The following AP3B1 variants were observed in gnomAD, a reference collection of about 807,000 sequenced individuals.
The protein encoded by AP3B1 is adaptor related protein complex 3 subunit beta 1.
Under a neutral mutation model 132.5 loss-of-function variants are expected in AP3B1, and 61 were observed. The ratio of observed to expected loss-of-function variants is 0.46; its 90% confidence interval spans 0.37 to 0.57. AP3B1 has a LOEUF of 0.57. Ranked by LOEUF, AP3B1 falls within the 20% of genes least tolerant of loss-of-function variation. AP3B1 has a pLI of 0.00. For missense variants in AP3B1, 1,120 were observed against 1,289.4 expected (o/e 0.87, Z 2.01); for synonymous variants, 388 against 438.3 (o/e 0.89, Z 1.43).
chr5:78,060,629 A>T lies in AP3B1; in HGVS notation c.2578-21355T>A, dbSNP rs371969028. ...TACGCTACTGAACTCTTGTGTTTACATGATTTCTGTTTCCATAAGACTATA... is the reference window on the plus strand; with the variant it reads ...TACGCTACTGAACTCTTGTGTTTACTTGATTTCTGTTTCCATAAGACTATA... On this transcript the variant is annotated intron_variant, in intron 22 of 26. Transcript: ENST00000255194. 9.2e-5 allele frequency among the ~76,000 whole-genome samples: 14 copies of T among 152,302 alleles called. No homozygotes were observed. The South Asian group carries it at 2.9e-3, about 32-fold the overall frequency.
At chr5:78,007,782 T>C (rs892412171) in intron 26 of AP3B1, among the ~76,000 whole-genome samples, 8 of 152,206 alleles carry the variant, frequency 5.3e-5, no homozygotes, top group Non-Finnish European at 1.0e-4. Flanking sequence ...TTTTGTTGAC[T>C]ATAAAATTGC....
At chr5:78,271,038 A>G (rs1408095662) in intron 1 of AP3B1, among the ~76,000 whole-genome samples, 2 of 152,188 alleles carry the variant, frequency 1.3e-5, no homozygotes, top group Non-Finnish European at 2.9e-5. Flanking sequence ...TAGGGGAAAA[A>G]CTTTTGGCAC....
At chr5:78,237,824 T>C (rs1337623581) in intron 3 of AP3B1, among the ~76,000 whole-genome samples, 2 of 152,096 alleles carry the variant, frequency 1.3e-5, no homozygotes, top group Admixed American at 6.5e-5. Flanking sequence ...AAAAAAAAAG[T>C]AGGTTTAAAG....
intron 1 of AP3B1, among the ~76,000 whole-genome samples, chr5:78,290,852 G>C (rs2112600013): frequency 6.6e-6 from 1 of 152,240 alleles, no homozygotes; most frequent in South Asian, 2.1e-4. Context: ...GGAAGCCTGA[G>C]GTGGGAAGGA....
chr5:78,043,574 A>G (rs149463995), intron 22 of AP3B1: 384 of 468,748 alleles, frequency 8.2e-4, no homozygotes, highest in Non-Finnish European at 1.4e-3. Context: ...CCTCTCTTCT[A>G]AGTACTCTGT....
At chr5:78,195,262 G>A (rs1313521931) in intron 7 of AP3B1, among the ~76,000 whole-genome samples, 1 of 152,200 alleles carries the variant, frequency 6.6e-6, no homozygotes, top group East Asian at 1.9e-4. Flanking sequence ...GAACAGTGCA[G>A]CTACGTGATG....
At chr5:78,293,018 A>G (rs912277615) in intron 1 of AP3B1, among the ~76,000 whole-genome samples, 1 of 152,054 alleles carries the variant, frequency 6.6e-6, no homozygotes, top group African/African-American at 2.4e-5. Context: ...AGCTGGGATT[A>G]CAGGCACGAG....
At chr5:78,228,297 G>T in intron 3 of AP3B1, 58 bp from the exon 4 acceptor site, 2 of 1,210,660 alleles carry the variant, frequency 1.7e-6, no homozygotes, top group Admixed American at 1.9e-5. Context: ...CTCAGTATTT[G>T]CTATACCAAA....
chr5:78,017,725 T>A (rs958959425), intron 25 of AP3B1, among the ~76,000 whole-genome samples: 2 of 152,038 alleles, frequency 1.3e-5, no homozygotes, highest in African/African-American at 4.8e-5. Flanking sequence ...AAAGGTTTCA[T>A]TAAAAGTTCC....
At chr5:78,020,046 C>A (rs182394825) in intron 25 of AP3B1, among the ~76,000 whole-genome samples, 4 of 152,136 alleles carry the variant, frequency 2.6e-5, no homozygotes, top group African/African-American at 9.6e-5. Flanking sequence ...AAAAAAACCA[C>A]CTCGTTTTTA....
chr5:78,079,265 A>G (rs566772304), intron 22 of AP3B1, among the ~76,000 whole-genome samples: 1 of 152,332 alleles, frequency 6.6e-6, no homozygotes, highest in East Asian at 1.9e-4. Context: ...ATTTCATTAC[A>G]ATTTTCTTAT....
chr5:78,281,476 A>G (rs1045109982), intron 1 of AP3B1, among the ~76,000 whole-genome samples: 2 of 151,170 alleles, frequency 1.3e-5, no homozygotes, highest in Non-Finnish European at 2.9e-5. Context: ...ATCTATAGTT[A>G]ATTATCCCAT....
At chr5:78,066,084 G>A (rs972455042) in intron 22 of AP3B1, among the ~76,000 whole-genome samples, 3 of 151,180 alleles carry the variant, frequency 2.0e-5, no homozygotes, top group African/African-American at 7.3e-5. Context: ...ACAGAAGAGG[G>A]GCCCGACTGT....
chr5:78,121,460 AG>A (rs1292190739), intron 17 of AP3B1, among the ~76,000 whole-genome samples: 1 of 152,110 alleles, frequency 6.6e-6, no homozygotes, highest in Non-Finnish European at 1.5e-5. Context: ...AGACTAATAA[AG>A]AAGAAAAGAG....
chr5:78,081,738 ATAAC>A (rs1279509814), intron 22 of AP3B1, among the ~76,000 whole-genome samples: 95 of 152,356 alleles, frequency 6.2e-4, no homozygotes, highest in African/African-American at 2.2e-3. Flanking sequence ...CTTTAGGAAT[ATAAC>A]TATCTGTAGT....
At chr5:78,244,725 G>A (rs987860290) in intron 2 of AP3B1, among the ~76,000 whole-genome samples, 2 of 152,030 alleles carry the variant, frequency 1.3e-5, no homozygotes, top group Non-Finnish European at 2.9e-5. Flanking sequence ...GGCCAGGTGC[G>A]GTGGCTCACG....
intron 8 of AP3B1, 89 bp downstream of exon 8, chr5:78,181,416 GCA>G: frequency 1.7e-6 from 2 of 1,211,950 alleles, no homozygotes; most frequent in Non-Finnish European, 2.4e-6. Flanking sequence ...TGCTCCATTA[GCA>G]CACACAGACT....
chr5:78,239,488 A>AG (rs1327497264), intron 3 of AP3B1, among the ~76,000 whole-genome samples: 10 of 150,494 alleles, frequency 6.6e-5, no homozygotes, highest in Admixed American at 3.3e-4. Flanking sequence ...AAAAAAAAAA[A>AG]AAAAGCCAGG....
At chr5:78,134,459 G>A (rs1421167997) in intron 15 of AP3B1, among the ~76,000 whole-genome samples, 3 of 152,168 alleles carry the variant, frequency 2.0e-5, no homozygotes, top group African/African-American at 7.2e-5. Flanking sequence ...TTTGGTAAAT[G>A]AAGTAAACTC....
Sources: allele counts gnomAD v4.1 joint callset (sites outside exome capture counted in the v4.1 genomes callset), GRCh38; gene constraint gnomAD v4.1.1; transcripts MANE v1.5; gene names NCBI Gene and HGNC (gene_info 2026-07-23, HGNC 2026-07-21).